BRINP3: variants seen among roughly 807,000 people sequenced by gnomAD.
BRINP3 encodes the protein BMP/retinoic acid-inducible neural-specific protein 3.
Under a neutral mutation model 71.0 loss-of-function variants are expected in BRINP3, and 19 were observed. The observed-to-expected ratio is 0.27, with a 90% CI of 0.19 to 0.39. The LOEUF is 0.39. Ranked by LOEUF, BRINP3 falls within the 10% of genes least tolerant of loss-of-function variation. The probability of loss-of-function intolerance (pLI) is 1.00; values close to 1 mark genes in which losing one functional copy is unlikely to be tolerated. For missense variants in BRINP3, 959 were observed against 940.8 expected (o/e 1.02, Z -0.25); for synonymous variants, 380 against 337.7 (o/e 1.13, Z -1.37).
At chr1:190,215,699 T>A (rs1480137110) in intron 6 of BRINP3, among the ~76,000 whole-genome samples, 4 of 151,918 alleles carry the variant, frequency 2.6e-5, no homozygotes, top group African/African-American at 9.7e-5. Context: ...ATGGATAGTG[T>A]TCTCTAACAG....
At chr1:190,150,921 G>A (rs956365482) in intron 7 of BRINP3, among the ~76,000 whole-genome samples, 2 of 152,162 alleles carry the variant, frequency 1.3e-5, no homozygotes, top group Admixed American at 6.5e-5. Flanking sequence ...TCTGATATAC[G>A]AGATGGGATT....
At chr1:190,433,695 C>T (rs971622759) in intron 2 of BRINP3, among the ~76,000 whole-genome samples, 3 of 152,162 alleles carry the variant, frequency 2.0e-5, no homozygotes, top group African/African-American at 7.2e-5. Context: ...TACCTATCTA[C>T]CTCGTTCCAT....
At chr1:190,156,312 G>C (rs905819969) in intron 7 of BRINP3, among the ~76,000 whole-genome samples, 1 of 151,972 alleles carries the variant, frequency 6.6e-6, no homozygotes, top group Non-Finnish European at 1.5e-5. Context: ...GATCTTAGCA[G>C]ATCATAAATT....
At chr1:190,343,402 T>C (rs1400458551) in intron 2 of BRINP3, among the ~76,000 whole-genome samples, 1 of 151,806 alleles carries the variant, frequency 6.6e-6, no homozygotes, top group African/African-American at 2.4e-5. Flanking sequence ...TGATTTTGAA[T>C]CTTGATTCTG....
At chr1:190,366,572 CAA>C (rs1162893474) in intron 2 of BRINP3, among the ~76,000 whole-genome samples, 1 of 152,034 alleles carries the variant, frequency 6.6e-6, no homozygotes, top group Non-Finnish European at 1.5e-5. Flanking sequence ...AACAGCCCCC[CAA>C]AGTCTTAACT....
chr1:190,154,047 A>G, intron 7 of BRINP3: 1 of 955,450 alleles, frequency 1.0e-6, no homozygotes, highest in African/African-American at 1.8e-5. Flanking sequence ...GCTGGGTTCT[A>G]CAGTTCTTCA....
At chr1:190,437,276 C>T (rs1258019849) in intron 2 of BRINP3, among the ~76,000 whole-genome samples, 2 of 151,726 alleles carry the variant, frequency 1.3e-5, no homozygotes, top group Non-Finnish European at 3.0e-5. Flanking sequence ...TTCTCCATTT[C>T]CAACAAAACC....
At chr1:190,454,503 T>G in intron 2 of BRINP3, 152 bp downstream of exon 2, 1 of 626,788 alleles carries the variant, frequency 1.6e-6, no homozygotes, top group Non-Finnish European at 2.8e-6. Context: ...AGAAATACTT[T>G]GAATAGCAAG....
At chr1:190,266,214 T>C (rs535912650) in intron 3 of BRINP3, among the ~76,000 whole-genome samples, 73 of 152,330 alleles carry the variant, frequency 4.8e-4, no homozygotes, top group African/African-American at 1.8e-3. Flanking sequence ...AATAAGTCAC[T>C]TTTATGAAAA....
At chr1:190,187,210 AT>A (rs1241917120) in intron 6 of BRINP3, among the ~76,000 whole-genome samples, 1 of 152,024 alleles carries the variant, frequency 6.6e-6, no homozygotes, top group Non-Finnish European at 1.5e-5. Flanking sequence ...CTTTTTCCCA[AT>A]TTTAAATTGG....
chr1:190,191,861 G>A (rs923418284), intron 6 of BRINP3, among the ~76,000 whole-genome samples: 1 of 151,904 alleles, frequency 6.6e-6, no homozygotes, highest in Admixed American at 6.6e-5. Context: ...TTTCAACATT[G>A]CTCCCCAATT....
At chr1:190,394,692 GT>G (rs1014338346) in intron 2 of BRINP3, among the ~76,000 whole-genome samples, 5 of 151,316 alleles carry the variant, frequency 3.3e-5, no homozygotes, top group East Asian at 1.9e-4. Context: ...CTATCTATAC[GT>G]TTTTTCTAAA....
At chr1:190,288,960 G>T (rs527709547) in intron 2 of BRINP3, among the ~76,000 whole-genome samples, 1 of 151,540 alleles carries the variant, frequency 6.6e-6, no homozygotes, top group Non-Finnish European at 1.5e-5. Flanking sequence ...AATTATTTAG[G>T]CAACATTTCC....
chr1:190,139,187 A>C (rs1302665483), intron 7 of BRINP3, among the ~76,000 whole-genome samples: 2 of 151,650 alleles, frequency 1.3e-5, no homozygotes, highest in East Asian at 3.9e-4. Flanking sequence ...CGTGGCTCAC[A>C]CCTGTAATCC....
chr1:190,119,604 A>T (rs1329721206), intron 7 of BRINP3, among the ~76,000 whole-genome samples: 1 of 152,074 alleles, frequency 6.6e-6, no homozygotes, highest in East Asian at 1.9e-4. Flanking sequence ...TACTTTTTTA[A>T]TCACCTATTG....
At chr1:190,429,857 G>A (rs893356471) in intron 2 of BRINP3, among the ~76,000 whole-genome samples, 2 of 152,054 alleles carry the variant, frequency 1.3e-5, no homozygotes, top group East Asian at 1.9e-4. Flanking sequence ...GCCTCCCAAA[G>A]TGCTGGGATT....
intron 7 of BRINP3, among the ~76,000 whole-genome samples, chr1:190,141,555 C>CTTTTTTTTTTTT (rs35090212): frequency 1.9e-4 from 16 of 82,396 alleles, no homozygotes; most frequent in East Asian, 8.4e-4. Context: ...TCTTTCTTTC[C>CTTTTTTTTTTTT]TTTTTTTTTT....
At chr1:190,389,440 C>A (rs759389870) in intron 2 of BRINP3, among the ~76,000 whole-genome samples, 1 of 151,672 alleles carries the variant, frequency 6.6e-6, no homozygotes, top group Non-Finnish European at 1.5e-5. Context: ...TGTGATAAAA[C>A]AAAATCATTG....
chr1:190,275,615 G>A (rs952407946), intron 3 of BRINP3, among the ~76,000 whole-genome samples: 13 of 151,470 alleles, frequency 8.6e-5, no homozygotes, highest in Admixed American at 1.3e-4. Flanking sequence ...GTTTTGCACC[G>A]TCATAAGTAA....
Sources: allele counts gnomAD v4.1 joint callset (sites outside exome capture counted in the v4.1 genomes callset), GRCh38; gene constraint gnomAD v4.1.1; transcripts MANE v1.5; gene names NCBI Gene and HGNC (gene_info 2026-07-23, HGNC 2026-07-21).